Variants in ABLIM1 observed in about 807,000 individuals in gnomAD.
The protein encoded by ABLIM1 is actin-binding LIM protein 1.
In ABLIM1, 40 loss-of-function variants were observed where a neutral mutation model predicts 107.0. The ratio of observed to expected loss-of-function variants is 0.37; its 90% CI spans 0.29 to 0.49. The LOEUF (loss-of-function observed/expected upper bound fraction) is 0.49. ABLIM1 is among the 20% of genes least tolerant of loss of function. The pLI is 0.97. For missense variants in ABLIM1, 857 were observed against 1,008.5 expected (o/e 0.85, Z 2.04); for synonymous variants, 357 against 357.3 (o/e 1.00, Z 0.01).
At chr10:114,459,324 C>A (rs972064060) in intron 12 of ABLIM1, among the ~76,000 whole-genome samples, 1 of 152,222 alleles carries the variant, frequency 6.6e-6, no homozygotes, top group African/African-American at 2.4e-5. Flanking sequence ...CAATGAAGGG[C>A]CACAAAAAAC....
intron 4 of ABLIM1, among the ~76,000 whole-genome samples, chr10:114,553,713 TG>T (rs1178957372): frequency 6.6e-6 from 1 of 152,218 alleles, no homozygotes; most frequent in African/African-American, 2.4e-5. Flanking sequence ...GAGAAGCTTT[TG>T]ATGTATCCTG....
At chr10:114,656,131 G>A (rs1032692378) in intron 1 of ABLIM1, among the ~76,000 whole-genome samples, 2 of 152,036 alleles carry the variant, frequency 1.3e-5, no homozygotes, top group Admixed American at 6.6e-5. Flanking sequence ...TTAGCCAGGT[G>A]TGGTGGCACA....
At chr10:114,736,236 G>A (rs865894527) in intron 1 of ABLIM1, among the ~76,000 whole-genome samples, 2 of 152,098 alleles carry the variant, frequency 1.3e-5, no homozygotes, top group South Asian at 2.1e-4. Context: ...GAATAGCCTG[G>A]CCCTAGAATG....
intron 1 of ABLIM1, among the ~76,000 whole-genome samples, chr10:114,692,333 T>C (rs2081097532): frequency 6.6e-6 from 1 of 152,248 alleles, no homozygotes; most frequent in Non-Finnish European, 1.5e-5. Context: ...CTGAAACTCT[T>C]CATGTCTTGT....
chr10:114,758,710 G>A (rs950786243), intron 1 of ABLIM1, among the ~76,000 whole-genome samples: 1 of 152,082 alleles, frequency 6.6e-6, no homozygotes, highest in Non-Finnish European at 1.5e-5. Context: ...TGTGGTGGAT[G>A]TTTTTTAAAT....
intron 11 of ABLIM1, among the ~76,000 whole-genome samples, chr10:114,467,975 C>G (rs1439565216): frequency 6.6e-6 from 1 of 152,190 alleles, no homozygotes; most frequent in African/African-American, 2.4e-5. Flanking sequence ...CATTTTTACT[C>G]CCTGGTCTCC....
chr10:114,734,741 A>C (rs1039759414), intron 1 of ABLIM1, among the ~76,000 whole-genome samples: 2 of 152,212 alleles, frequency 1.3e-5, no homozygotes, highest in African/African-American at 4.8e-5. Context: ...AATTTTCAAA[A>C]GGGATAAATC....
At chr10:114,673,892 A>G (rs1349751903) in intron 1 of ABLIM1, among the ~76,000 whole-genome samples, 1 of 152,162 alleles carries the variant, frequency 6.6e-6, no homozygotes, top group Non-Finnish European at 1.5e-5. Context: ...AAAATAAAAG[A>G]CTATTGAGAA....
At chr10:114,700,194 C>T (rs1203163337) in intron 1 of ABLIM1, among the ~76,000 whole-genome samples, 4 of 152,158 alleles carry the variant, frequency 2.6e-5, no homozygotes, top group Non-Finnish European at 5.9e-5. Flanking sequence ...ATGAAGGATG[C>T]ATTCGAGCAT....
chr10:114,688,422 G>A (rs1269060036), upstream of ABLIM1, among the ~76,000 whole-genome samples: 3 of 152,106 alleles, frequency 2.0e-5, no homozygotes. Flanking sequence ...TCCTGAACTT[G>A]TACGCCAATC....
intron 2 of ABLIM1, among the ~76,000 whole-genome samples, chr10:114,575,984 G>A (rs1193881406): frequency 6.6e-6 from 1 of 152,202 alleles, no homozygotes; most frequent in Non-Finnish European, 1.5e-5. Context: ...GGCCAAGATT[G>A]TTAGGAGTTG....
chr10:114,550,290 T>C (rs2067894475), intron 4 of ABLIM1, among the ~76,000 whole-genome samples: 1 of 152,102 alleles, frequency 6.6e-6, no homozygotes, highest in Non-Finnish European at 1.5e-5. Context: ...TAGTTTACTA[T>C]AAAGATAAAA....
intron 1 of ABLIM1, among the ~76,000 whole-genome samples, chr10:114,750,057 C>A (rs989580516): frequency 2.0e-5 from 3 of 152,168 alleles, no homozygotes; most frequent in African/African-American, 7.2e-5. Flanking sequence ...TGCCTAGAAA[C>A]TTCCACTGGC....
At chr10:114,631,902 C>CT (rs1566142706) in intron 1 of ABLIM1, 1 of 1,304,288 alleles carries the variant, frequency 7.7e-7, no homozygotes, top group Admixed American at 2.3e-5. Context: ...TTATAATTAC[C>CT]TTTTTCCTTC....
At chr10:114,490,690 C>G (rs1180120485) in intron 7 of ABLIM1, among the ~76,000 whole-genome samples, 2 of 151,608 alleles carry the variant, frequency 1.3e-5, no homozygotes, top group East Asian at 1.9e-4. Context: ...TCTCTCAAAG[C>G]CTCTCTGAGA....
intron 12 of ABLIM1, among the ~76,000 whole-genome samples, chr10:114,460,745 G>A (rs1447468997): frequency 6.6e-6 from 1 of 152,208 alleles, no homozygotes; most frequent in East Asian, 1.9e-4. Context: ...GGATAAATAA[G>A]CAACCCAAGG....
chr10:114,631,803 C>T (rs369529194), intron 1 of ABLIM1: 18 of 1,226,808 alleles, frequency 1.5e-5, no homozygotes, highest in African/African-American at 1.3e-4. Flanking sequence ...AGAACATGTC[C>T]GCCCGGCTTT....
intron 12 of ABLIM1, among the ~76,000 whole-genome samples, chr10:114,457,223 A>C (rs1393990104): frequency 6.6e-6 from 1 of 151,936 alleles, no homozygotes; most frequent in African/African-American, 2.4e-5. Flanking sequence ...TCTCAGGAAG[A>C]GGCCTCTTTC....
chr10:114,631,973 G>A (rs878962372), intron 1 of ABLIM1: 11 of 1,302,386 alleles, frequency 8.4e-6, no homozygotes, highest in Non-Finnish European at 1.1e-5. Flanking sequence ...ATAAACTCTG[G>A]GAGTGGAAGC....
Sources: gnomAD v4.1 joint callset for allele counts (sites outside exome capture counted in the v4.1 genomes callset) on GRCh38, gnomAD v4.1.1 for gene constraint, MANE v1.5 for transcripts, NCBI Gene and HGNC (gene_info 2026-07-23, HGNC 2026-07-21) for gene names.